Variants in CATSPERT observed in about 807,000 individuals in gnomAD.
The protein encoded by CATSPERT is catsper channel auxiliary subunit tau.
At chr2:201,537,944 A>G in the CATSPERT span, among the ~76,000 whole-genome samples, 1 of 151,998 alleles carries the variant, frequency 6.6e-6, no homozygotes, top group Non-Finnish European at 1.5e-5. Context: ...AAAATAAATA[A>G]CTGAAGCAGA....
At chr2:201,487,617 A>G in the CATSPERT span, 9 of 1,610,024 alleles carry the variant, frequency 5.6e-6, no homozygotes, top group Non-Finnish European at 7.6e-6. Context: ...ATTTTTCAAT[A>G]TCCTCTTTTA....
the CATSPERT span, among the ~76,000 whole-genome samples, chr2:201,594,826 C>T: frequency 6.6e-6 from 1 of 152,172 alleles, no homozygotes; most frequent in Non-Finnish European, 1.5e-5. Flanking sequence ...GTTTTCAGCT[C>T]CATCAGCTCC....
chr2:201,533,362 A>G, the CATSPERT span, among the ~76,000 whole-genome samples: 1 of 152,228 alleles, frequency 6.6e-6, no homozygotes, highest in East Asian at 1.9e-4. Context: ...AGGCTTATTC[A>G]AAGGGTAAGG....
the CATSPERT span, among the ~76,000 whole-genome samples, chr2:201,503,071 T>C: frequency 1.3e-5 from 2 of 152,174 alleles, no homozygotes; most frequent in South Asian, 2.1e-4. Context: ...CCTCTATTTT[T>C]TTCCTCATCA....
At chr2:201,499,679 CA>C in the CATSPERT span, among the ~76,000 whole-genome samples, 1 of 151,570 alleles carries the variant, frequency 6.6e-6, no homozygotes, top group Non-Finnish European at 1.5e-5. Context: ...ACAAAAAATA[CA>C]AAAAATTAGC....
the CATSPERT span, among the ~76,000 whole-genome samples, chr2:201,584,207 T>A: frequency 3.3e-5 from 5 of 152,060 alleles, no homozygotes; most frequent in African/African-American, 1.2e-4. Flanking sequence ...GGAGGATCAC[T>A]TGAGCTCAGA....
At chr2:201,554,044 G>A in the CATSPERT span, 1 of 152,124 alleles carries the variant, frequency 6.6e-6, no homozygotes, top group Non-Finnish European at 1.5e-5. Context: ...ATGGCAACAA[G>A]TTTAAATTAC....
chr2:201,611,632 A>G, the CATSPERT span, among the ~76,000 whole-genome samples: 1 of 152,050 alleles, frequency 6.6e-6, no homozygotes, highest in Non-Finnish European at 1.5e-5. Flanking sequence ...AAAATAGAGA[A>G]CAGAAAAATC....
the CATSPERT span, among the ~76,000 whole-genome samples, chr2:201,525,268 A>G: frequency 1.3e-5 from 2 of 152,224 alleles, no homozygotes; most frequent in African/African-American, 4.8e-5. Flanking sequence ...CTCTGGGACC[A>G]TAGTACAACA....
the CATSPERT span, among the ~76,000 whole-genome samples, chr2:201,503,969 C>T: frequency 5.3e-5 from 8 of 152,176 alleles, no homozygotes; most frequent in African/African-American, 1.9e-4. Flanking sequence ...TGAGTCTTTC[C>T]ACTCTGGCTG....
the CATSPERT span, among the ~76,000 whole-genome samples, chr2:201,595,290 G>A: frequency 3.8e-4 from 57 of 150,788 alleles, no homozygotes; most frequent in African/African-American, 9.3e-4. Flanking sequence ...CCGGGTTCAC[G>A]CCATTCTCCT....
At chr2:201,502,234 T>C in the CATSPERT span, among the ~76,000 whole-genome samples, 1 of 152,338 alleles carries the variant, frequency 6.6e-6, no homozygotes, top group Non-Finnish European at 1.5e-5. Flanking sequence ...TTTTCTTTCA[T>C]TACTATAAAG....
chr2:201,535,779 T>A, the CATSPERT span: 29 of 1,360,538 alleles, frequency 2.1e-5, no homozygotes, highest in South Asian at 8.7e-5. Flanking sequence ...TTTAATTTTT[T>A]AAAATAGATT....
At chr2:201,593,976 A>T in the CATSPERT span, among the ~76,000 whole-genome samples, 1 of 152,046 alleles carries the variant, frequency 6.6e-6, no homozygotes, top group South Asian at 2.1e-4. Context: ...TAGTCCATTT[A>T]CATTTAAGGT....
At chr2:201,601,187 A>G in the CATSPERT span, among the ~76,000 whole-genome samples, 23 of 152,022 alleles carry the variant, frequency 1.5e-4, no homozygotes, top group Non-Finnish European at 2.9e-5. Flanking sequence ...CAGCTCAACC[A>G]CTTACCACTT....
chr2:201,614,395 G>A, the CATSPERT span, among the ~76,000 whole-genome samples: 4 of 152,248 alleles, frequency 2.6e-5, no homozygotes, highest in East Asian at 5.8e-4. Context: ...AGAGAGTGGG[G>A]GCCAATATTC....
At chr2:201,513,741 A>G in the CATSPERT span, among the ~76,000 whole-genome samples, 4 of 152,250 alleles carry the variant, frequency 2.6e-5, no homozygotes, top group Admixed American at 2.6e-4. Flanking sequence ...ATGGAATACT[A>G]TGTAGCCGTA....
chr2:201,541,894 CCTCT>C, the CATSPERT span, among the ~76,000 whole-genome samples: 5 of 151,892 alleles, frequency 3.3e-5, no homozygotes, highest in Non-Finnish European at 5.9e-5. Flanking sequence ...CTGTGCCTGG[CCTCT>C]CTATTTTTTG....
chr2:201,531,228 G>A, the CATSPERT span, among the ~76,000 whole-genome samples: 1 of 151,758 alleles, frequency 6.6e-6, no homozygotes, highest in African/African-American at 2.4e-5. Flanking sequence ...CAGAGTGCTG[G>A]GATTATAGGG....
Sources: allele counts gnomAD v4.1 joint callset (sites outside exome capture counted in the v4.1 genomes callset), GRCh38; gene constraint gnomAD v4.1.1; transcripts MANE v1.5; gene names NCBI Gene and HGNC (gene_info 2026-07-23, HGNC 2026-07-21).